Variants in ANGPT1 observed in about 807,000 individuals in gnomAD.
ANGPT1 encodes the protein angiopoietin 1.
ANGPT1 carries 17 observed loss-of-function variants against 62.2 expected under a neutral mutation model. The ratio of observed to expected loss-of-function variants is 0.27; its 90% CI spans 0.19 to 0.41. ANGPT1 has a LOEUF of 0.41. Among genes scored for constraint, ANGPT1 ranks in the 10% least tolerant of loss-of-function variants. The pLI is 1.00. For missense variants in ANGPT1, 478 were observed against 594.9 expected, an observed-to-expected ratio of 0.80 and a Z score of 2.04; for synonymous variants, 199 against 198.9, an observed-to-expected ratio of 1.00 and a Z score of 0.00.
rs754683151 is a variant in ANGPT1, at chr8:107,256,866, GT to G, written c.1337-4852del. On this transcript the variant is annotated intron_variant, in intron 8 of 8. Transcript: ENST00000517746. Reference sequence around the variant, plus strand: ...TCTGTTTTTTTTTTTGTTTTGTTTTGTTTTTTTTGAGATGGAGTCTCACTCT... The same window carrying G: ...TCTGTTTTTTTTTTTGTTTTGTTTTGTTTTTTTGAGATGGAGTCTCACTCT... Among the ~76,000 whole-genome samples, 27 of 150,736 alleles carry G rather than the reference GT, an allele frequency of 1.8e-4. No individual in the cohort carries two copies. The East Asian group carries it at 5.3e-3, about 30-fold the overall frequency.
chr8:107,366,784 G>A (rs1816282573), intron 1 of ANGPT1, among the ~76,000 whole-genome samples: 1 of 152,162 alleles, frequency 6.6e-6, no homozygotes. Context: ...GTTGATCTGT[G>A]TGATCAATAG....
At chr8:107,374,477 C>T (rs1325773830) in intron 1 of ANGPT1, among the ~76,000 whole-genome samples, 9 of 152,180 alleles carry the variant, frequency 5.9e-5, no homozygotes, top group Non-Finnish European at 1.0e-4. Flanking sequence ...TTCTGTCCTG[C>T]CCAAGGCAGC....
At chr8:107,431,753 A>T (rs541329124) in intron 1 of ANGPT1, among the ~76,000 whole-genome samples, 26 of 152,092 alleles carry the variant, frequency 1.7e-4, no homozygotes, top group African/African-American at 6.0e-4. Context: ...TTTTATCATC[A>T]AAGTATCATG....
chr8:107,376,306 C>G (rs1038637983), intron 1 of ANGPT1, among the ~76,000 whole-genome samples: 1 of 152,048 alleles, frequency 6.6e-6, no homozygotes, highest in African/African-American at 2.4e-5. Flanking sequence ...TATGTGGTAA[C>G]GTGCAGCAAA....
At chr8:107,354,899 C>T (rs970938642) in intron 1 of ANGPT1, among the ~76,000 whole-genome samples, 1 of 151,262 alleles carries the variant, frequency 6.6e-6, no homozygotes, top group Non-Finnish European at 1.5e-5. Context: ...ACATTAAATC[C>T]ACACCAGATG....
intron 1 of ANGPT1, among the ~76,000 whole-genome samples, chr8:107,426,793 A>C (rs935362188): frequency 2.0e-5 from 3 of 152,216 alleles, no homozygotes; most frequent in Non-Finnish European, 4.4e-5. Flanking sequence ...AACAATAACA[A>C]ATGATGTTTT....
chr8:107,434,917 T>C (rs1352346032), intron 1 of ANGPT1, among the ~76,000 whole-genome samples: 2 of 152,208 alleles, frequency 1.3e-5, no homozygotes, highest in Non-Finnish European at 2.9e-5. Flanking sequence ...GTCAAATTCA[T>C]TCAAAAATCA....
chr8:107,433,517 T>C (rs897717141), intron 1 of ANGPT1, among the ~76,000 whole-genome samples: 3 of 152,170 alleles, frequency 2.0e-5, no homozygotes, highest in Admixed American at 6.5e-5. Flanking sequence ...ACATGAAAGA[T>C]GGACAAGCAA....
chr8:107,356,525 C>T (rs1409448404), intron 1 of ANGPT1, among the ~76,000 whole-genome samples: 1 of 152,052 alleles, frequency 6.6e-6, no homozygotes, highest in Non-Finnish European at 1.5e-5. Flanking sequence ...GAAGGGAGGG[C>T]ATACATTTCT....
intron 1 of ANGPT1, among the ~76,000 whole-genome samples, chr8:107,446,825 A>G (rs1035644241): frequency 6.6e-6 from 1 of 152,156 alleles, no homozygotes; most frequent in Non-Finnish European, 1.5e-5. Flanking sequence ...TTGAACCCAC[A>G]TCTCTCTCCT....
intron 8 of ANGPT1, among the ~76,000 whole-genome samples, chr8:107,254,893 A>G (rs1340674660): frequency 6.6e-6 from 1 of 152,090 alleles, no homozygotes; most frequent in East Asian, 1.9e-4. Context: ...GAAGAACCAG[A>G]TCTGCTAGGT....
chr8:107,300,139 GTATAC>G (rs1563557590), intron 5 of ANGPT1, among the ~76,000 whole-genome samples: 3 of 144,580 alleles, frequency 2.1e-5, no homozygotes, highest in South Asian at 2.1e-4. Flanking sequence ...GTATAGTATA[GTATAC>G]ATCTATATAT....
At chr8:107,294,538 A>G (rs1169723931) in intron 5 of ANGPT1, 1 of 152,596 alleles carries the variant, frequency 6.6e-6, no homozygotes, top group Non-Finnish European at 1.5e-5. Flanking sequence ...ATTCTTATAT[A>G]TGTACATGTT....
At chr8:107,480,166 C>T (rs554534519) in intron 1 of ANGPT1, among the ~76,000 whole-genome samples, 8 of 151,958 alleles carry the variant, frequency 5.3e-5, no homozygotes, top group Non-Finnish European at 1.0e-4. Context: ...CCAGTCACTG[C>T]TATTGATTTA....
chr8:107,309,142 T>C lies in ANGPT1; in HGVS notation c.809-5775A>G, dbSNP rs185023627. ...GCCCTTTCTCTTACCCATTTTCTGA[T>C]GAGTTGCTATAAAGAAATCAGTTCT... is the stretch of plus-strand genomic sequence containing the variant. On this transcript the variant is annotated intron_variant, in intron 4 of 8. Coordinates refer to ENST00000517746, the MANE Select transcript of ANGPT1 (RefSeq NM_001146.5). Among the ~76,000 whole-genome samples, 4 of 152,322 alleles carry C rather than the reference T, an allele frequency of 2.6e-5. No individual in the cohort carries two copies. In the East Asian group the frequency reaches 7.7e-4, roughly 29 times the overall value.
At chr8:107,464,769 T>A (rs1275491659) in intron 1 of ANGPT1, among the ~76,000 whole-genome samples, 1 of 152,144 alleles carries the variant, frequency 6.6e-6, no homozygotes, top group Non-Finnish European at 1.5e-5. Context: ...TACATGGAAC[T>A]TGGAGTACCA....
chr8:107,273,359 T>C (rs1016124508), intron 7 of ANGPT1, among the ~76,000 whole-genome samples: 16 of 152,072 alleles, frequency 1.1e-4, no homozygotes, highest in Non-Finnish European at 1.5e-4. Flanking sequence ...TACTTGGACA[T>C]TGTATTGCTA....
intron 1 of ANGPT1, among the ~76,000 whole-genome samples, chr8:107,437,901 A>G (rs547849474): frequency 6.6e-6 from 1 of 152,280 alleles, no homozygotes; most frequent in African/African-American, 2.4e-5. Flanking sequence ...TGGAGACTGA[A>G]TTATTGTATT....
At chr8:107,332,508 G>C (rs939146350) in intron 3 of ANGPT1, among the ~76,000 whole-genome samples, 11 of 152,214 alleles carry the variant, frequency 7.2e-5, no homozygotes, top group African/African-American at 2.7e-4. Flanking sequence ...GTAGGGGATA[G>C]AGAAGTGAAT....
Sources: gnomAD v4.1 joint callset for allele counts (sites outside exome capture counted in the v4.1 genomes callset) on GRCh38, gnomAD v4.1.1 for gene constraint, MANE v1.5 for transcripts, NCBI Gene and HGNC (gene_info 2026-07-23, HGNC 2026-07-21) for gene names.